PDGFD: variants seen among roughly 807,000 people sequenced by gnomAD.
The protein encoded by PDGFD is platelet-derived growth factor D.
A neutral mutation model predicts 44.7 loss-of-function variants in PDGFD; 30 were observed. That is an observed-to-expected ratio of 0.67 (90% confidence interval 0.50 to 0.91). The LOEUF is 0.91. Among genes scored for constraint, PDGFD ranks in the 40% least tolerant of loss-of-function variants. The pLI is 0.00. For missense variants in PDGFD, 445 were observed against 457.8 expected (o/e 0.97, Z 0.25); for synonymous variants, 173 against 168.4 (o/e 1.03, Z -0.21).
chr11:104,088,926 G>GAA (rs5794292), intron 1 of PDGFD, among the ~76,000 whole-genome samples: 240 of 149,688 alleles, frequency 1.6e-3, no homozygotes, highest in Non-Finnish European at 1.9e-3. Flanking sequence ...TGGGATGGGG[G>GAA]AAAAAAAAAA....
chr11:103,975,538 T>C (rs927160507), intron 3 of PDGFD, among the ~76,000 whole-genome samples: 4 of 152,222 alleles, frequency 2.6e-5, no homozygotes, highest in African/African-American at 9.6e-5. Flanking sequence ...GCCATTGCTT[T>C]TGGTGTTTTA....
intron 5 of PDGFD, among the ~76,000 whole-genome samples, chr11:103,934,405 C>A (rs1476660481): frequency 1.3e-5 from 2 of 152,158 alleles, no homozygotes; most frequent in East Asian, 1.9e-4. Context: ...GCCATGCCCA[C>A]CTTGAACTAA....
intron 1 of PDGFD, among the ~76,000 whole-genome samples, chr11:104,121,387 T>A (rs73614586): frequency 0.01 from 1,537 of 152,088 alleles, 23 homozygotes; most frequent in African/African-American, 0.035. Flanking sequence ...AAGAAGTGTA[T>A]CGTTTATCCA....
At chr11:104,163,371 T>C (rs533348740) in intron 1 of PDGFD, among the ~76,000 whole-genome samples, 33 of 152,176 alleles carry the variant, frequency 2.2e-4, no homozygotes, top group Middle Eastern at 3.4e-3. Flanking sequence ...AATAAATAAA[T>C]AAATAAAATT....
chr11:104,107,314 G>T (rs1252977277), intron 1 of PDGFD, among the ~76,000 whole-genome samples: 1 of 152,092 alleles, frequency 6.6e-6, no homozygotes, highest in Non-Finnish European at 1.5e-5. Flanking sequence ...TAGAGAGGAG[G>T]TTATACGGCA....
intron 1 of PDGFD, among the ~76,000 whole-genome samples, chr11:104,050,488 G>T (rs1339042380): frequency 1.3e-5 from 2 of 152,184 alleles, no homozygotes; most frequent in African/African-American, 4.8e-5. Context: ...TTTGCTGATA[G>T]AAGCAGCACT....
At chr11:103,985,983 A>G (rs544556339) in intron 3 of PDGFD, among the ~76,000 whole-genome samples, 232 of 152,158 alleles carry the variant, frequency 1.5e-3, no homozygotes, top group African/African-American at 5.4e-3. Flanking sequence ...TGACTTTTCA[A>G]TTTTTCTTTT....
chr11:104,016,814 G>A (rs1565311297), intron 1 of PDGFD, among the ~76,000 whole-genome samples: 1 of 152,226 alleles, frequency 6.6e-6, no homozygotes, highest in African/African-American at 2.4e-5. Flanking sequence ...TCTGTTTGGT[G>A]TAAAGGTGGG....
At chr11:104,046,663 ACAAAT>A (rs2134403071) in intron 1 of PDGFD, among the ~76,000 whole-genome samples, 1 of 147,698 alleles carries the variant, frequency 6.8e-6, no homozygotes, top group South Asian at 2.3e-4. Context: ...GTATTCAATA[ACAAAT>A]CTGTTTAAGT....
At chr11:104,036,658 C>A (rs1220842645) in intron 1 of PDGFD, 2 of 629,344 alleles carry the variant, frequency 3.2e-6, no homozygotes, top group African/African-American at 1.8e-5. Context: ...TGGGAGACAG[C>A]CCCCAGACAG....
chr11:104,078,601 G>A (rs532105942), intron 1 of PDGFD, among the ~76,000 whole-genome samples: 3 of 152,172 alleles, frequency 2.0e-5, no homozygotes, highest in Admixed American at 6.5e-5. Context: ...TGTGTTTCAT[G>A]TGATTTAGTT....
intron 1 of PDGFD, among the ~76,000 whole-genome samples, chr11:104,065,624 C>T (rs1341603114): frequency 1.3e-5 from 2 of 152,162 alleles, no homozygotes. Context: ...GAAAATTCCG[C>T]ATTGCTATTC....
chr11:104,000,223 C>A lies in PDGFD; in HGVS notation c.157G>T (p.Asp53Tyr), dbSNP rs1308954964. ...TTTCCTTTCACCTGGATGGTCTCAT[C>A]TCTTCGGTACAAGTCTGTGAGGTGA... ...SNHLTDLYRR[D>Y]ETIQVKGNGY... Residue 53 changes from aspartate (D) to tyrosine (Y), a missense_variant, in exon 2 of 7, where the codon GAT (aspartate) becomes TAT (tyrosine). By Grantham distance (160) the Asp-to-Tyr change is radical (BLOSUM62 -3). Coordinates refer to ENST00000393158, the MANE Select transcript of PDGFD (RefSeq NM_025208.5). 6.2e-7 allele frequency: 1 copy of A among 1,613,886 alleles called. No individual in the cohort carries two copies. Among genetic ancestry groups the A allele is most frequent in the Admixed American group, 1.7e-5 (1 of 59,998 alleles).
chr11:104,129,346 C>T (rs1167247996), intron 1 of PDGFD, among the ~76,000 whole-genome samples: 1 of 151,866 alleles, frequency 6.6e-6, no homozygotes, highest in Non-Finnish European at 1.5e-5. Flanking sequence ...CACATAACAG[C>T]CGCATAAAGA....
chr11:104,153,370 T>C (rs1191242063), intron 1 of PDGFD, among the ~76,000 whole-genome samples: 2 of 152,210 alleles, frequency 1.3e-5, no homozygotes, highest in Admixed American at 6.5e-5. Context: ...AGTGAGGATG[T>C]TCAGCTGTAT....
At chr11:104,144,507 C>CAAAAAAAAAAAAA (rs201864924) in intron 1 of PDGFD, among the ~76,000 whole-genome samples, 35 of 73,796 alleles carry the variant, frequency 4.7e-4, no homozygotes, top group African/African-American at 2.1e-3. Context: ...ACTCCGTCAC[C>CAAAAAAAAAAAAA]AAAAAAAAAA....
chr11:103,956,729 T>C (rs1441085393), intron 3 of PDGFD, among the ~76,000 whole-genome samples: 2 of 152,062 alleles, frequency 1.3e-5, no homozygotes, highest in Non-Finnish European at 2.9e-5. Context: ...ACCTGTTGTT[T>C]CCTGACTTTT....
chr11:104,069,434 C>G lies in PDGFD; in HGVS notation c.125-69179G>C, dbSNP rs546287804. On this transcript the variant is annotated intron_variant, in intron 1 of 6. Coordinates refer to ENST00000393158, the MANE Select transcript of PDGFD (RefSeq NM_025208.5). ...TATTTTTCCACTAAAATTATTTGACCTTTGGTAATTCATAAATATCTTGTT... is the reference window on the plus strand; with the variant it reads ...TATTTTTCCACTAAAATTATTTGACGTTTGGTAATTCATAAATATCTTGTT... 1.2e-4 allele frequency among the ~76,000 whole-genome samples: 19 copies of G among 152,216 alleles called. No homozygotes were observed. In the Middle Eastern group the frequency reaches 0.014, roughly 109 times the overall value.
chr11:103,979,969 AC>A (rs1217620880), intron 3 of PDGFD, among the ~76,000 whole-genome samples: 2 of 152,094 alleles, frequency 1.3e-5, no homozygotes, highest in Non-Finnish European at 2.9e-5. Flanking sequence ...TGCCTTTATA[AC>A]ACTGATTTTC....
Sources: allele counts gnomAD v4.1 joint callset (sites outside exome capture counted in the v4.1 genomes callset), GRCh38; gene constraint gnomAD v4.1.1; transcripts MANE v1.5; gene names NCBI Gene and HGNC (gene_info 2026-07-23, HGNC 2026-07-21).